ARHGEF1: variants seen among roughly 807,000 people sequenced by gnomAD.
The protein encoded by ARHGEF1 is Rho guanine nucleotide exchange factor 1.
ARHGEF1 carries 40 observed loss-of-function variants against 119.7 expected under a neutral mutation model. That is an observed-to-expected ratio of 0.33 (90% CI 0.26 to 0.44). ARHGEF1 has a LOEUF of 0.44. Ranked by LOEUF, ARHGEF1 falls within the 20% of genes least tolerant of loss-of-function variation. ARHGEF1 has a pLI of 1.00. For missense variants in ARHGEF1, 976 were observed against 1,268.3 expected (o/e 0.77, Z 3.50); for synonymous variants, 494 against 521.0 (o/e 0.95, Z 0.71).
At chr19:41,909,497 G>A (rs2074740803), downstream of ARHGEF1, 3 of 1,251,508 alleles carry the variant, frequency 2.4e-6, no homozygotes. This position sits in a 1 kb window ranked among gnomAD's most constrained non-coding sequence, Gnocchi z 5.2. Flanking sequence ...TGGTGTTGGG[G>A]AGGTGCAGGG....
At chr19:41,927,101 CAGAGAT>C (rs1555853331) in intron 1 of ARHGEF1, among the ~76,000 whole-genome samples, 2 of 152,006 alleles carry the variant, frequency 1.3e-5, no homozygotes, top group African/African-American at 4.8e-5. Context: ...CTGTGAGAGA[CAGAGAT>C]AGAGAGACAG....
In ARHGEF1 at chr19:41,907,116, G is replaced by A; in HGVS notation, c.*29G>A. 6.6e-7 allele frequency: 1 copy of A among 1,525,876 alleles called. No homozygotes were observed. Among genetic ancestry groups the A allele is most frequent in the Non-Finnish European group, 8.8e-7 (1 of 1,142,680 alleles). The allele number at this position is 1,525,876 out of a possible 1,614,324, so 94.5% of individuals were successfully genotyped here. On this transcript the variant is annotated 3_prime_UTR_variant, in exon 29 of 29. Transcript: ENST00000354532. ...CCTACATCCCCCAGGCCTTTTGCAA[G>A]AAGGAGAGGAATGGGGGAGAGGACG...
intron 13 of ARHGEF1, chr19:41,897,930 T>A: frequency 7.7e-7 from 1 of 1,300,420 alleles, no homozygotes; most frequent in Non-Finnish European, 9.7e-7. Context: ...ACTCTGTCCT[T>A]GGCCTCGGGG....
chr19:41,907,782 G>A (rs535805852), downstream of ARHGEF1: 1 of 191,598 alleles, frequency 5.2e-6, no homozygotes, highest in Non-Finnish European at 1.1e-5. Context: ...GGTGGGGAGG[G>A]GGGCCCCTCC....
chr19:41,911,095 A>G (rs908251869), downstream of ARHGEF1, among the ~76,000 whole-genome samples: 3 of 152,220 alleles, frequency 2.0e-5, no homozygotes, highest in Admixed American at 1.3e-4. Flanking sequence ...GCATGTCAGT[A>G]GAGCAACTTC....
At chr19:41,930,125 T>G (rs782199297) in exon 3 of ARHGEF1, 1 of 152,228 alleles carries the variant, frequency 6.6e-6, no homozygotes. Context: ...ATTAAAAATA[T>G]TAAGAATTTT....
At chr19:41,909,411 G>A (rs1256187132), downstream of ARHGEF1, 1 of 1,237,688 alleles carries the variant, frequency 8.1e-7, no homozygotes, top group Admixed American at 4.2e-5. The surrounding 1 kb of genome is among the most constrained non-coding windows in gnomAD (Gnocchi z 5.2). Flanking sequence ...TGCTGAAGTT[G>A]AACTTGTAGG....
intron 11 of ARHGEF1, among the ~76,000 whole-genome samples, chr19:41,894,933 G>A (rs1317122560): frequency 1.8e-5 from 2 of 108,754 alleles, no homozygotes; most frequent in Non-Finnish European, 3.0e-5. Flanking sequence ...GGCTGGGGGA[G>A]CTCCTGGGTC....
rs1555844706 is a variant in ARHGEF1, at chr19:41,883,298, TC to T, written c.-20+13del. ...CTCCGCGCGGACACCAGGTACTCGG[TC>T]CCCGGCCCCGCCCGGCCTCCTCCCC... is the stretch of plus-strand genomic sequence containing the variant. On this transcript the variant is annotated intron_variant, in intron 1 of 28. Transcript: ENST00000354532. The surrounding 1 kb of genome is among the most constrained non-coding windows in gnomAD (Gnocchi z 7.6). The T allele has an allele frequency of 5.9e-6, 1 of 169,850 alleles. No homozygotes were observed. Among genetic ancestry groups the T allele is most frequent in the South Asian group, 8.0e-5 (1 of 12,450 alleles). 10.5% of individuals were successfully genotyped at this position (169,850 alleles called of 1,614,324 possible). A position where few individuals can be genotyped will look rare whatever the true frequency, so the allele number is the denominator to read the frequency against.
rs1006727099 is a variant in ARHGEF1 at position 41,903,619 on chromosome 19, G to T, written c.1840-88G>T. The T allele has an allele frequency of 9.1e-6, 13 of 1,432,628 alleles. No individual in the cohort carries two copies. Among genetic ancestry groups the T allele is most frequent in the African/African-American group, 1.4e-5 (1 of 71,164 alleles). The allele number at this position is 1,432,628 out of a possible 1,614,324, so 88.7% of individuals were successfully genotyped here. The stretch of plus-strand genomic sequence containing the variant: ...CTCAGCTTGCCCGCATCAGAAGTTG[G>T]TCTTGGCTCTCATCTTACCAATGTG... On this transcript the variant is annotated intron_variant, in intron 19 of 28. Coordinates refer to ENST00000354532, the MANE Select transcript of ARHGEF1 (RefSeq NM_004706.4). This position sits in a 1 kb window ranked among gnomAD's most constrained non-coding sequence, Gnocchi z 4.2.
chr19:41,912,883 G>A, intron 18 of ARHGEF1: 1 of 1,231,486 alleles, frequency 8.1e-7, no homozygotes, highest in Non-Finnish European at 1.0e-6. Context: ...AGGGCGGGCG[G>A]GGCGAAGAGA....
At chr19:41,926,612 C>T (rs895991848) in intron 1 of ARHGEF1, among the ~76,000 whole-genome samples, 3 of 152,128 alleles carry the variant, frequency 2.0e-5, no homozygotes, top group Non-Finnish European at 4.4e-5. Context: ...ACAGAGTTAG[C>T]TCTGGGCTAG....
intron 13 of ARHGEF1, chr19:41,898,117 T>C: frequency 2.2e-6 from 3 of 1,383,948 alleles, no homozygotes; most frequent in Non-Finnish European, 2.8e-6. Context: ...GAGCCACGTA[T>C]GTCAACCCTC....
intron 18 of ARHGEF1, among the ~76,000 whole-genome samples, chr19:41,913,977 C>G (rs1356650804): frequency 6.6e-6 from 1 of 151,332 alleles, no homozygotes; most frequent in African/African-American, 2.4e-5. Context: ...AAACCCACTC[C>G]TCTTAGACAC....
upstream of ARHGEF1, among the ~76,000 whole-genome samples, chr19:41,921,966 C>T (rs374799771): frequency 3.5e-5 from 5 of 142,644 alleles, no homozygotes; most frequent in African/African-American, 5.0e-5. The surrounding 1 kb of genome is among the most constrained non-coding windows in gnomAD (Gnocchi z 4.4). Flanking sequence ...ATCCCCAACT[C>T]CCACCCCTTC....
intron 2 of ARHGEF1, among the ~76,000 whole-genome samples, chr19:41,929,301 CCTCA>C (rs2074891251): frequency 6.6e-6 from 1 of 152,044 alleles, no homozygotes; most frequent in African/African-American, 2.4e-5. Flanking sequence ...ACACACAAGC[CCTCA>C]CTAACACATA....
At chr19:41,928,098 G>T (rs1156822981) in intron 1 of ARHGEF1, 1 of 152,192 alleles carries the variant, frequency 6.6e-6, no homozygotes, top group Non-Finnish European at 1.5e-5. Flanking sequence ...TTCGGATCCC[G>T]CAGCCATGGC....
At chr19:41,913,091 G>T (rs923001352) in intron 18 of ARHGEF1, among the ~76,000 whole-genome samples, 1 of 151,686 alleles carries the variant, frequency 6.6e-6, no homozygotes, top group African/African-American at 2.4e-5. Flanking sequence ...CCTCCCGCAG[G>T]CACCGCTCTG....
At chr19:41,909,047 T>G, downstream of ARHGEF1, 1 of 1,221,368 alleles carries the variant, frequency 8.2e-7, no homozygotes, top group African/African-American at 1.6e-5. This position sits in a 1 kb window ranked among gnomAD's most constrained non-coding sequence, Gnocchi z 5.2. Flanking sequence ...CCCCAGAACC[T>G]CCAGGCTCTT....
Sources: allele counts gnomAD v4.1 joint callset (sites outside exome capture counted in the v4.1 genomes callset), GRCh38; gene constraint gnomAD v4.1.1; non-coding constraint Gnocchi (gnomAD v3.1); transcripts MANE v1.5; gene names NCBI Gene and HGNC (gene_info 2026-07-23, HGNC 2026-07-21).